TNS3: variants seen among roughly 807,000 people sequenced by gnomAD.
TNS3 encodes tensin 3.
In TNS3, 45 loss-of-function variants were observed where a neutral mutation model predicts 140.9. That is an observed-to-expected ratio of 0.32 (90% CI 0.25 to 0.41). TNS3 has a LOEUF of 0.41. TNS3 is among the 10% of genes least tolerant of loss of function. The probability of loss-of-function intolerance (pLI) is 1.00; values close to 1 mark genes in which losing one functional copy is unlikely to be tolerated. For synonymous variants in TNS3, 815 were observed against 788.4 expected (o/e 1.03, Z -0.56); for missense variants, 1,716 against 1,906.7 (o/e 0.90, Z 1.86).
At chr7:47,480,748 C>T (rs139830854) in intron 4 of TNS3, among the ~76,000 whole-genome samples, 1 of 152,346 alleles carries the variant, frequency 6.6e-6, no homozygotes, top group East Asian at 1.9e-4. Flanking sequence ...CCTGGCGACC[C>T]AGGCACCCTC....
intron 3 of TNS3, among the ~76,000 whole-genome samples, chr7:47,505,819 G>A (rs765707913): frequency 4.6e-5 from 7 of 152,196 alleles, no homozygotes. Flanking sequence ...GCATGCATGT[G>A]TATTTATGTG....
chr7:47,364,276 A>ATT (rs1790564460), intron 17 of TNS3, among the ~76,000 whole-genome samples: 1 of 139,532 alleles, frequency 7.2e-6, no homozygotes, highest in African/African-American at 2.9e-5. Context: ...AGTAAGCAAT[A>ATT]ATTTTTTTTT....
intron 4 of TNS3, among the ~76,000 whole-genome samples, chr7:47,475,382 G>C (rs796890478): frequency 6.6e-6 from 1 of 152,258 alleles, no homozygotes; most frequent in Non-Finnish European, 1.5e-5. Flanking sequence ...ATCACAGCGT[G>C]AGTGCAGGCA....
rs1381581036 is a variant in TNS3 at position 47,277,687 on chromosome 7, G to A, written c.*389C>T. ...GACGGGCGAAGCATGGCAGTCACTC[G>A]GCACCTCTGCCTCAAGGGCTGGGGA... On this transcript the variant is annotated 3_prime_UTR_variant, in exon 31 of 31. Transcript: ENST00000311160. 4 of 296,090 alleles carry A rather than the reference G, an allele frequency of 1.4e-5. No individual in the cohort carries two copies. The highest frequency in any genetic ancestry group is 9.4e-5 in the Admixed American group (2 of 21,274). 18.3% of individuals were successfully genotyped at this position (296,090 alleles called of 1,614,324 possible). A position where few individuals can be genotyped will look rare whatever the true frequency, so the allele number is the denominator to read the frequency against.
rs117150684 is a variant in TNS3 at position 47,523,547 on chromosome 7, G to A, written c.-153+5489C>T. 7.6e-3 allele frequency among the ~76,000 whole-genome samples: 1,156 copies of A among 152,280 alleles called. 39 individuals carry two copies. The highest frequency in any genetic ancestry group is 0.075 in the East Asian group (387 of 5,176). On this transcript the variant is annotated intron_variant, in intron 2 of 30. Transcript: ENST00000311160. Reference sequence around the variant, plus strand: ...GAGTCAGAATGCCTCTGCCTCCAACGGTGCCCATGGCTGCTGTTTCCTCCC... The same window carrying A: ...GAGTCAGAATGCCTCTGCCTCCAACAGTGCCCATGGCTGCTGTTTCCTCCC...
At chr7:47,545,476 G>A (rs773927960) in intron 1 of TNS3, among the ~76,000 whole-genome samples, 3 of 152,078 alleles carry the variant, frequency 2.0e-5, no homozygotes, top group South Asian at 2.1e-4. Context: ...TGGACAAGGC[G>A]CCCAAGGCTC....
chr7:47,411,953 A>T (rs1199061191), intron 12 of TNS3, 151 bp from the exon 13 acceptor site: 1 of 763,028 alleles, frequency 1.3e-6, no homozygotes, highest in African/African-American at 1.8e-5. Context: ...AATCTAAATG[A>T]ATCTAAAAAG....
intron 11 of TNS3, 137 bp downstream of exon 11, chr7:47,414,957 A>G: frequency 1.5e-6 from 1 of 651,344 alleles, no homozygotes; most frequent in East Asian, 2.9e-5. Flanking sequence ...GGACCCAGTC[A>G]ATCGCCAGGG....
intron 3 of TNS3, among the ~76,000 whole-genome samples, chr7:47,487,661 T>C (rs1329645625): frequency 6.6e-6 from 1 of 152,202 alleles, no homozygotes; most frequent in African/African-American, 2.4e-5. Context: ...GCCACTGACC[T>C]TGCCAAACCT....
chr7:47,459,859 AT>A (rs1402048246), intron 4 of TNS3, among the ~76,000 whole-genome samples: 2 of 152,178 alleles, frequency 1.3e-5, no homozygotes, highest in Non-Finnish European at 2.9e-5. Context: ...GATGAAATGC[AT>A]TCCCACAAAC....
intron 1 of TNS3, among the ~76,000 whole-genome samples, chr7:47,544,279 G>A (rs577589506): frequency 6.6e-6 from 1 of 152,036 alleles, no homozygotes; most frequent in East Asian, 1.9e-4. Context: ...CAGCCCAAAA[G>A]ATAAACAAGG....
chr7:47,460,820 G>A (rs1489137721), intron 4 of TNS3, among the ~76,000 whole-genome samples: 1 of 152,208 alleles, frequency 6.6e-6, no homozygotes, highest in Non-Finnish European at 1.5e-5. Flanking sequence ...AATATTGAAG[G>A]AGGAGGAACA....
At position 47,443,199 on chromosome 7, in the gene TNS3, C is replaced by T. The variant is rs546960555; in HGVS notation, c.-75-1144G>A. On this transcript the variant is annotated intron_variant, in intron 4 of 30. Transcript: ENST00000311160. The stretch of plus-strand genomic sequence containing the variant: ...GCCACTCCACTTCTTTGTCTCCTGC[C>T]TTTTGAAGTGAGAATAGTAACAGAC... 4.4e-4 allele frequency among the ~76,000 whole-genome samples: 67 copies of T among 152,294 alleles called. 1 individual carries two copies. The highest frequency in any genetic ancestry group is 1.6e-3 in the African/African-American group (65 of 41,564).
Position 47,537,054 on chromosome 7 carries a change from G to A in TNS3, c.-264-7907C>T, listed in dbSNP as rs564993383. On this transcript the variant is annotated intron_variant, in intron 1 of 30. Coordinates refer to ENST00000311160, the MANE Select transcript of TNS3 (RefSeq NM_022748.12). ...CCTGGCGCCGGCGCCGGCGCGACCG[G>A]GTTCCGCGCGCGAACCCTCCCGGTG... 6.2e-3 allele frequency among the ~76,000 whole-genome samples: 935 copies of A among 151,878 alleles called. 16 individuals are homozygous for A. Among genetic ancestry groups the A allele is most frequent in the Non-Finnish European group, 4.8e-3 (324 of 67,872 alleles).
At chr7:47,452,318 T>C (rs972589935) in intron 4 of TNS3, among the ~76,000 whole-genome samples, 2 of 152,172 alleles carry the variant, frequency 1.3e-5, no homozygotes, top group African/African-American at 4.8e-5. Context: ...TTTTTTCCCT[T>C]CCAGAACAAG....
At chr7:47,477,577 C>T (rs1023129997) in intron 4 of TNS3, among the ~76,000 whole-genome samples, 1 of 152,102 alleles carries the variant, frequency 6.6e-6, no homozygotes, top group South Asian at 2.1e-4. Context: ...GAGGGCAGGG[C>T]ATCTGAGACA....
chr7:47,442,101 C>A (rs1795494660), intron 4 of TNS3, 46 bp from the exon 5 acceptor site: 2 of 1,206,224 alleles, frequency 1.7e-6, no homozygotes, highest in Non-Finnish European at 1.1e-6. Context: ...CCTTTCCTGC[C>A]AGTCTACATG....
intron 17 of TNS3, among the ~76,000 whole-genome samples, chr7:47,351,861 C>T (rs1789694134): frequency 6.6e-6 from 1 of 152,104 alleles, no homozygotes; most frequent in South Asian, 2.1e-4. Context: ...CTGGAGCTGC[C>T]CCTCCCACAC....
chr7:47,400,519 T>C, intron 14 of TNS3, 61 bp from the exon 15 acceptor site: 1 of 1,549,996 alleles, frequency 6.5e-7, no homozygotes, highest in South Asian at 1.1e-5. Context: ...AAGTATGGAC[T>C]GACTTTGTCC....
Sources: gnomAD v4.1 joint callset for allele counts (sites outside exome capture counted in the v4.1 genomes callset) on GRCh38, gnomAD v4.1.1 for gene constraint, MANE v1.5 for transcripts, NCBI Gene and HGNC (gene_info 2026-07-23, HGNC 2026-07-21) for gene names.